Variants in DSCAML1 observed in about 807,000 individuals in gnomAD.
The protein encoded by DSCAML1 is cell adhesion molecule DSCAML1.
DSCAML1 carries 38 observed loss-of-function variants against 200.5 expected under a neutral mutation model. That is an observed-to-expected ratio of 0.19 (90% confidence interval 0.15 to 0.25). The LOEUF is 0.25. Ranked by LOEUF, DSCAML1 falls within the 10% of genes least tolerant of loss-of-function variation. DSCAML1 has a pLI of 1.00. For missense variants in DSCAML1, 2,223 were observed against 2,858.8 expected, an observed-to-expected ratio of 0.78 and a Z score of 5.07; for synonymous variants, 1,215 against 1,165.0, an observed-to-expected ratio of 1.04 and a Z score of -0.87.
At chr11:117,460,187 C>T (rs1001303743) in intron 18 of DSCAML1, among the ~76,000 whole-genome samples, 8 of 152,244 alleles carry the variant, frequency 5.3e-5, no homozygotes, top group African/African-American at 1.7e-4. Flanking sequence ...TGGTTCCACA[C>T]AAATATGAAT....
At chr11:117,441,373 A>G (rs7947950) in intron 21 of DSCAML1, among the ~76,000 whole-genome samples, 78,626 of 152,048 alleles carry the variant, frequency 0.52, 21,689 homozygotes, top group East Asian at 0.86. Context: ...CGCTGATCTG[A>G]GAGTCAGCAG....
At chr11:117,720,999 T>C (rs2054033175) in intron 3 of DSCAML1, among the ~76,000 whole-genome samples, 1 of 152,194 alleles carries the variant, frequency 6.6e-6, no homozygotes, top group South Asian at 2.1e-4. Context: ...TACATTTTCA[T>C]CCTCAACGTT....
intron 21 of DSCAML1, among the ~76,000 whole-genome samples, chr11:117,441,220 A>G (rs1040285500): frequency 6.6e-5 from 10 of 152,202 alleles, no homozygotes; most frequent in African/African-American, 2.4e-4. Flanking sequence ...TCATGGGAAC[A>G]GGGCACACTG....
rs78098386 is a variant in DSCAML1, at chr11:117,809,082, G to A, written c.-250+8308C>T. Among the ~76,000 whole-genome samples, 773 of 152,364 alleles carry A rather than the reference G, an allele frequency of 5.1e-3. 5 individuals carry two copies. Among genetic ancestry groups the A allele is most frequent in the African/African-American group, 0.017 (722 of 41,576 alleles). On this transcript the variant is annotated intron_variant, in intron 1 of 2. Transcript: ENST00000525836. The stretch of plus-strand genomic sequence containing the variant: ...TGCTTCATATCATTTCCACTGCGAA[G>A]CTTGAGAGGAGGAAAAATCCATCCA...
chr11:117,693,645 C>T, intron 3 of DSCAML1, among the ~76,000 whole-genome samples: 1 of 152,046 alleles, frequency 6.6e-6, no homozygotes, highest in African/African-American at 2.4e-5. Flanking sequence ...AATTCTGGGC[C>T]CCGTGATGCT....
Position 117,516,441 on chromosome 11 carries a change from G to T in DSCAML1, c.1783+26C>A. 6.2e-7 allele frequency: 1 copy of T among 1,601,334 alleles called. No homozygotes were observed. Among genetic ancestry groups the T allele is most frequent in the Non-Finnish European group, 8.5e-7 (1 of 1,172,484 alleles). ...CATCCTGGGTGGTCAGGCGGGCAGG[G>T]GCCCTGGCTGGTGAGGGAGGCCTAC... On this transcript the variant is annotated intron_variant, in intron 8 of 32. Transcript: ENST00000651296. This position sits in a 1 kb window ranked among gnomAD's most constrained non-coding sequence, Gnocchi z 5.7.
chr11:117,442,991 C>G (rs150611309), intron 21 of DSCAML1, among the ~76,000 whole-genome samples: 13 of 152,224 alleles, frequency 8.5e-5, no homozygotes, highest in African/African-American at 3.1e-4. Context: ...CTGGCTGGCT[C>G]TGAGCCCGCG....
chr11:117,471,189 T>G (rs2048678422), intron 15 of DSCAML1, among the ~76,000 whole-genome samples: 1 of 151,796 alleles, frequency 6.6e-6, no homozygotes, highest in Non-Finnish European at 1.5e-5. Context: ...TTTTTTTTTT[T>G]GAGATGGAGT....
chr11:117,643,530 T>C (rs2052454145), intron 3 of DSCAML1, among the ~76,000 whole-genome samples: 1 of 152,196 alleles, frequency 6.6e-6, no homozygotes, highest in Non-Finnish European at 1.5e-5. Flanking sequence ...TTTTTCTGAA[T>C]GCCTTTCATT....
chr11:117,431,118 A>G, intron 31 of DSCAML1, 85 bp from the exon 32 acceptor site: 1 of 1,358,274 alleles, frequency 7.4e-7, no homozygotes, highest in Non-Finnish European at 1.0e-6. Flanking sequence ...CCGTAACCCC[A>G]GCAGCCATCT....
chr11:117,521,100 C>A, intron 6 of DSCAML1, 30 bp downstream of exon 6: 1 of 1,604,240 alleles, frequency 6.2e-7, no homozygotes. Flanking sequence ...GCCCTGAACC[C>A]GCCCCCTGTG....
intron 3 of DSCAML1, among the ~76,000 whole-genome samples, chr11:117,677,169 C>T (rs1197106580): frequency 4.6e-5 from 7 of 152,210 alleles, no homozygotes; most frequent in African/African-American, 1.4e-4. Context: ...GGACATTTCT[C>T]ATGGTCTCAG....
chr11:117,731,535 C>T (rs2054219354), intron 3 of DSCAML1, among the ~76,000 whole-genome samples: 1 of 152,178 alleles, frequency 6.6e-6, no homozygotes, highest in Non-Finnish European at 1.5e-5. Flanking sequence ...TCCCTTGGCC[C>T]AACTCCTACA....
intron 3 of DSCAML1, among the ~76,000 whole-genome samples, chr11:117,581,545 A>T (rs555630585): frequency 7.2e-5 from 11 of 152,336 alleles, no homozygotes; most frequent in African/African-American, 2.2e-4. Context: ...TTATGAAATG[A>T]TACAGTGAGT....
chr11:117,481,923 G>A (rs1267953611), intron 12 of DSCAML1, 40 bp downstream of exon 12: 40 of 1,610,522 alleles, frequency 2.5e-5, no homozygotes, highest in Middle Eastern at 1.6e-4. Flanking sequence ...CCCACTCTCT[G>A]AGAGTTGGGG....
At chr11:117,483,572 A>G (rs1436899248) in intron 11 of DSCAML1, among the ~76,000 whole-genome samples, 2 of 152,212 alleles carry the variant, frequency 1.3e-5, no homozygotes, top group Non-Finnish European at 2.9e-5. Flanking sequence ...AGACAAGACT[A>G]GCAATTTCAG....
intron 2 of DSCAML1, among the ~76,000 whole-genome samples, chr11:117,779,326 T>C (rs575161505): frequency 6.6e-6 from 1 of 152,286 alleles, no homozygotes; most frequent in African/African-American, 2.4e-5. Context: ...TAGTGAAGAA[T>C]GGCTGATCTT....
intron 3 of DSCAML1, among the ~76,000 whole-genome samples, chr11:117,735,124 G>C (rs10892166): frequency 6.6e-6 from 1 of 152,162 alleles, no homozygotes; most frequent in Non-Finnish European, 1.5e-5. Context: ...AGGGCAGATG[G>C]ACTGTCTTAC....
In DSCAML1 at chr11:117,505,689, G is replaced by A. The variant is rs140529836; in HGVS notation, c.1827C>T (p.Ile609=). 87 of 1,613,412 alleles carry A rather than the reference G, an allele frequency of 5.4e-5. No individual in the cohort carries two copies. In the African/African-American group the frequency reaches 8.5e-4, roughly 16 times the overall value. Residue 609 remains isoleucine, a synonymous_variant, in exon 9 of 33, where the codon ATC becomes ATT. Transcript: ENST00000651296. This position sits in a 1 kb window ranked among gnomAD's most constrained non-coding sequence, Gnocchi z 6.7. The part of the protein sequence containing the change: ...IQPFEFPPAS[I]GQLLYIPCVV... The stretch of plus-strand genomic sequence containing the variant: ...CACAGGGAATGTAGAGCAGCTGGCC[G>A]ATGGAGGCGGGTGGGAATTCGAAGG...
Sources: allele counts gnomAD v4.1 joint callset (sites outside exome capture counted in the v4.1 genomes callset), GRCh38; gene constraint gnomAD v4.1.1; non-coding constraint Gnocchi (gnomAD v3.1); transcripts MANE v1.5; gene names NCBI Gene and HGNC (gene_info 2026-07-23, HGNC 2026-07-21).